ANKAR: variants seen among roughly 807,000 people sequenced by gnomAD.
The protein encoded by ANKAR is ankyrin and armadillo repeat-containing protein.
ANKAR carries 136 observed loss-of-function variants against 146.2 expected under a neutral mutation model. That is an observed-to-expected ratio of 0.93 (90% confidence interval 0.81 to 1.07). The LOEUF (loss-of-function observed/expected upper bound fraction) is 1.07. Among genes scored for constraint, ANKAR ranks in the 50% least tolerant of loss-of-function variants. The pLI, the probability that ANKAR is intolerant of heterozygous loss-of-function variation, is 0.00. For missense variants in ANKAR, 1,567 were observed against 1,679.9 expected, an observed-to-expected ratio of 0.93 and a Z score of 1.18; for synonymous variants, 500 against 575.8, an observed-to-expected ratio of 0.87 and a Z score of 1.88.
chr2:189,745,172 CAG>C (rs1404011783), intron 22 of ANKAR, among the ~76,000 whole-genome samples: 1 of 151,818 alleles, frequency 6.6e-6, no homozygotes, highest in African/African-American at 2.4e-5. Flanking sequence ...GCCTGGGTGA[CAG>C]AGTGAGACTC....
rs2043060981 is a variant in ANKAR, at chr2:189,738,621, A to T, written c.3639A>T (p.Arg1213Ser). Residue 1213 changes from arginine (R) to serine (S), a missense_variant, in exon 19 of 23, where the codon AGA (arginine) becomes AGT (serine). Arg to Ser is a moderately radical substitution (Grantham distance 110, BLOSUM62 -1). Coordinates refer to ENST00000684021, the MANE Select transcript of ANKAR (RefSeq NM_001378068.1). ...RDMDHITLSA[R>S]GVTILVDSLY... Reference sequence around the variant, plus strand: ...TGGACCATATTACTTTGTCTGCAAGAGGTGTTACTATTTTAGTTGATAGTC... The same window carrying T: ...TGGACCATATTACTTTGTCTGCAAGTGGTGTTACTATTTTAGTTGATAGTC... 21 of 1,612,704 alleles carry T rather than the reference A, an allele frequency of 1.3e-5. No homozygotes were observed. The highest frequency in any genetic ancestry group is 1.8e-5 in the Non-Finnish European group (21 of 1,179,228).
intron 2 of ANKAR, among the ~76,000 whole-genome samples, chr2:189,680,178 G>T (rs2034433256): frequency 1.3e-5 from 2 of 151,890 alleles, no homozygotes; most frequent in Admixed American, 6.6e-5. Context: ...TAGGAGGGTT[G>T]TATATTTCCA....
chr2:189,701,734 T>TAGA (rs1460789202), intron 7 of ANKAR, among the ~76,000 whole-genome samples: 2 of 152,216 alleles, frequency 1.3e-5, no homozygotes, highest in African/African-American at 4.8e-5. Flanking sequence ...CTTTATCCAT[T>TAGA]AGAACCCTTA....
chr2:189,728,944 T>C, intron 15 of ANKAR, 123 bp downstream of exon 15: 1 of 901,712 alleles, frequency 1.1e-6, no homozygotes, highest in Non-Finnish European at 1.6e-6. Context: ...TGGTATTTAA[T>C]GTATGAAAGA....
intron 7 of ANKAR, among the ~76,000 whole-genome samples, chr2:189,700,251 G>C (rs1252096677): frequency 6.6e-6 from 1 of 152,182 alleles, no homozygotes; most frequent in African/African-American, 2.4e-5. Flanking sequence ...TTCTAGATTA[G>C]TGGTTCCATT....
chr2:189,746,065 A>G (rs2044114350), intron 22 of ANKAR, among the ~76,000 whole-genome samples: 1 of 152,206 alleles, frequency 6.6e-6, no homozygotes, highest in East Asian at 1.9e-4. Context: ...AATTAATTTC[A>G]TTCAATATCA....
At chr2:189,752,330 G>T (rs2045395822) in intron 18 of ANKAR, among the ~76,000 whole-genome samples, 1 of 152,104 alleles carries the variant, frequency 6.6e-6, no homozygotes, top group South Asian at 2.1e-4. Flanking sequence ...CAGCATACTT[G>T]CTGGTTCTGA....
downstream of ANKAR, chr2:189,746,741 T>C: frequency 8.7e-7 from 1 of 1,152,338 alleles, no homozygotes; most frequent in Non-Finnish European, 1.2e-6. Context: ...TGAAAGTTCT[T>C]GATCTCGATA....
Position 189,695,023 on chromosome 2 carries a change from A to T in ANKAR, c.1350A>T (p.Gln450His). 1 of 1,567,602 alleles carries T rather than the reference A, an allele frequency of 6.4e-7. No individual in the cohort carries two copies. Among genetic ancestry groups the T allele is most frequent in the South Asian group, 1.3e-5 (1 of 79,800 alleles). Residue 450 changes from glutamine to histidine, a missense_variant, in exon 6 of 23, where the codon CAA becomes CAT. By Grantham distance (24) the Gln-to-His change is conservative (BLOSUM62 0). Transcript: ENST00000684021. ...IYFELETFYQ[Q>H]LYKTQWWGAI... is the part of the protein sequence containing the mutation. ...TTGAACTAGAAACTTTCTATCAGCA[A>T]CTATATAAGACACAGTGGTGGGGAG...
rs965141701 is a variant in ANKAR at position 189,744,617 on chromosome 2, C to T, written c.4011-125C>T. 4.3e-5 allele frequency: 25 copies of T among 587,832 alleles called. No individual in the cohort carries two copies. The Admixed American group carries it at 7.4e-4, about 17-fold the overall frequency. The allele number at this position is 587,832 out of a possible 1,614,324, so 36.4% of individuals were successfully genotyped here. On this transcript the variant is annotated intron_variant, in intron 21 of 22. Transcript: ENST00000684021. The stretch of plus-strand genomic sequence containing the variant: ...TAACATGCAGAGTTAGTGGAGGTAA[C>T]ATGTATGAATTAGGCCATTAGGCAT...
At chr2:189,684,870 C>T (rs993345409) in intron 2 of ANKAR, among the ~76,000 whole-genome samples, 1 of 149,750 alleles carries the variant, frequency 6.7e-6, no homozygotes. Flanking sequence ...GCTGTGGAAA[C>T]TTTTGTTTCC....
chr2:189,725,078 A>G (rs879313700), intron 12 of ANKAR, among the ~76,000 whole-genome samples: 14 of 152,200 alleles, frequency 9.2e-5, no homozygotes, highest in Non-Finnish European at 1.6e-4. Context: ...CTGAACCCAT[A>G]TGATAAGTAC....
At chr2:189,692,908 C>T (rs2036633000) in intron 4 of ANKAR, 166 bp from the exon 5 acceptor site, 13 of 390,316 alleles carry the variant, frequency 3.3e-5, no homozygotes, top group South Asian at 1.4e-4. Context: ...GTATTTTTTC[C>T]TCATTCTCAA....
intron 13 of ANKAR, 28 bp from the exon 14 acceptor site, chr2:189,728,239 T>G (rs768456421): frequency 2.6e-6 from 4 of 1,566,640 alleles, no homozygotes; most frequent in Non-Finnish European, 3.4e-6. Flanking sequence ...AAATGTTCAC[T>G]GAATTAATGA....
At chr2:189,758,284 G>GT (rs200559687) in intron 18 of ANKAR, among the ~76,000 whole-genome samples, 2,463 of 152,216 alleles carry the variant, frequency 0.016, 65 homozygotes, top group African/African-American at 0.056. Context: ...TGAAGGCTGA[G>GT]GGGGGAGAAT....
chr2:189,745,166 G>T (rs900865641), intron 22 of ANKAR, among the ~76,000 whole-genome samples: 1 of 151,930 alleles, frequency 6.6e-6, no homozygotes, highest in African/African-American at 2.4e-5. Flanking sequence ...ACTCTGGCCT[G>T]GGTGACAGAG....
downstream of ANKAR, chr2:189,747,168 T>C (rs2044256895): frequency 6.6e-6 from 1 of 152,298 alleles, no homozygotes; most frequent in African/African-American, 2.4e-5. Flanking sequence ...AGAGCCTGTC[T>C]CTACAAAAAA....
chr2:189,683,308 C>T (rs1031779161), intron 2 of ANKAR, among the ~76,000 whole-genome samples: 8 of 152,256 alleles, frequency 5.3e-5, no homozygotes, highest in African/African-American at 9.6e-5. Flanking sequence ...TCTCATTAGC[C>T]GAAGTTTGAA....
chr2:189,693,195 A>G lies in ANKAR; in HGVS notation c.1307+18A>G. On this transcript the variant is annotated intron_variant, in intron 5 of 22. Coordinates refer to ENST00000684021, the MANE Select transcript of ANKAR (RefSeq NM_001378068.1). The stretch of plus-strand genomic sequence containing the variant: ...GGAAAAAGGTACGGAGCTTTCACTA[A>G]TTACTGACATTAACTACAATTTTTT... 1 of 1,448,606 alleles carries G rather than the reference A, an allele frequency of 6.9e-7. No homozygotes were observed. The allele number at this position is 1,448,606 out of a possible 1,614,324, so 89.7% of individuals were successfully genotyped here.
Sources: gnomAD v4.1 joint callset for allele counts (sites outside exome capture counted in the v4.1 genomes callset) on GRCh38, gnomAD v4.1.1 for gene constraint, MANE v1.5 for transcripts, NCBI Gene and HGNC (gene_info 2026-07-23, HGNC 2026-07-21) for gene names.